The following TENM1 variants were observed in gnomAD, a reference collection of about 807,000 sequenced individuals.
The protein encoded by TENM1 is teneurin-1.
TENM1 carries 35 observed loss-of-function variants against 174.8 expected under a neutral mutation model. That is an observed-to-expected ratio of 0.20 (90% confidence interval 0.15 to 0.27). The LOEUF (loss-of-function observed/expected upper bound fraction) is 0.27, where lower values mean the gene tolerates loss of function less well. Among genes scored for constraint, TENM1 ranks in the 10% least tolerant of loss-of-function variants. The pLI, the probability that TENM1 is intolerant of heterozygous loss-of-function variation, is 1.00. For missense variants in TENM1, 1,633 were observed against 2,130.1 expected (o/e 0.77, Z 4.59); for synonymous variants, 781 against 798.7 (o/e 0.98, Z 0.37).
the TENM1 span, among the ~76,000 whole-genome samples, chrX:125,044,247 TA>T: frequency 5.9e-5 from 6 of 101,122 alleles, no homozygotes; most frequent in South Asian, 4.5e-4. Context: ...TATTAACAAT[TA>T]TAAAATCATC....
At chrX:125,034,421 T>A in the TENM1 span, among the ~76,000 whole-genome samples, 1 of 111,485 alleles carries the variant, frequency 9.0e-6, no homozygotes, top group Admixed American at 9.6e-5. Context: ...GTTTGGGACC[T>A]GTGCCTTTAA....
intron 11 of TENM1, among the ~76,000 whole-genome samples, chrX:124,639,807 AG>A (rs1452321451): frequency 8.9e-6 from 1 of 111,826 alleles, no homozygotes; most frequent in African/African-American, 3.3e-5. Context: ...AAGCCATGAT[AG>A]TGTATCTGAA....
At chrX:124,845,844 G>A (rs1020821610) in intron 3 of TENM1, among the ~76,000 whole-genome samples, 2 of 110,030 alleles carry the variant, frequency 1.8e-5, no homozygotes, top group African/African-American at 6.6e-5. Flanking sequence ...ATAGGGTGGG[G>A]GTCAGGGAGA....
At chrX:124,491,000 T>C (rs746811279) in intron 20 of TENM1, among the ~76,000 whole-genome samples, 3 of 112,012 alleles carry the variant, frequency 2.7e-5, no homozygotes. Context: ...GAAGGACTTG[T>C]AGATGTTTAG....
rs1016172380 is a variant in TENM1 at position 124,552,337 on chromosome X, T to C, written c.2435-5247A>G. Among the ~76,000 whole-genome samples the C allele has an allele frequency of 2.7e-5, 3 of 111,834 alleles. No homozygotes were observed. The South Asian group carries it at 1.1e-3, about 43-fold the overall frequency. ...CTACTAGGCACTCCTGTTAGCTTAG[T>C]TGTTGCCCTTACATGTATTGAAGGT... On this transcript the variant is annotated intron_variant, in intron 14 of 31. Coordinates refer to ENST00000422452, the Ensembl canonical transcript of TENM1.
intron 11 of TENM1, among the ~76,000 whole-genome samples, chrX:124,619,442 C>T (rs889900636): frequency 3.6e-5 from 4 of 111,921 alleles, no homozygotes; most frequent in Middle Eastern, 4.6e-3. Flanking sequence ...ATGTAACATA[C>T]CATCATAGTC....
the TENM1 span, among the ~76,000 whole-genome samples, chrX:125,024,807 T>G: frequency 8.9e-6 from 1 of 112,106 alleles, no homozygotes; most frequent in African/African-American, 3.2e-5. Flanking sequence ...GCTTTATTAT[T>G]CTCATCTAAT....
At chrX:124,921,847 G>A (rs990925393) in intron 1 of TENM1, among the ~76,000 whole-genome samples, 3 of 111,922 alleles carry the variant, frequency 2.7e-5, no homozygotes, top group Non-Finnish European at 5.7e-5. Flanking sequence ...CAAAATACAT[G>A]TGGGATTTTT....
At chrX:124,439,024 C>G (rs2060876194) in intron 23 of TENM1, among the ~76,000 whole-genome samples, 1 of 111,007 alleles carries the variant, frequency 9.0e-6, no homozygotes, top group African/African-American at 3.3e-5. Flanking sequence ...GTGTTGGAAA[C>G]TTGAATATCT....
intron 14 of TENM1, among the ~76,000 whole-genome samples, chrX:124,552,038 T>C (rs2048585200): frequency 8.9e-6 from 1 of 112,224 alleles, no homozygotes; most frequent in Non-Finnish European, 1.9e-5. Flanking sequence ...TATGTGACTC[T>C]GAGTAGACAA....
chrX:125,022,926 A>T, the TENM1 span, among the ~76,000 whole-genome samples: 6 of 111,721 alleles, frequency 5.4e-5, no homozygotes, highest in East Asian at 1.1e-3. Context: ...TACAAATCAC[A>T]TATTCTGCAT....
chrX:125,123,727 T>G, the TENM1 span, among the ~76,000 whole-genome samples: 1 of 112,612 alleles, frequency 8.9e-6, no homozygotes, highest in Non-Finnish European at 1.9e-5. Flanking sequence ...TAAAACAACA[T>G]TAATAAACAC....
chrX:124,897,002 T>G (rs759562621), intron 1 of TENM1, among the ~76,000 whole-genome samples: 143 of 111,727 alleles, frequency 1.3e-3, no homozygotes, highest in Middle Eastern at 4.6e-3. Context: ...GAATTCCTTC[T>G]TTTTATAGTT....
the TENM1 span, among the ~76,000 whole-genome samples, chrX:125,070,147 C>T: frequency 9.1e-6 from 1 of 109,696 alleles, no homozygotes; most frequent in Non-Finnish European, 1.9e-5. Flanking sequence ...GCCAGGATCA[C>T]GCCACTTCCC....
chrX:124,568,943 C>G (rs1042996679), intron 11 of TENM1, among the ~76,000 whole-genome samples: 1 of 111,805 alleles, frequency 8.9e-6, no homozygotes, highest in African/African-American at 3.3e-5. Context: ...TTGGCATACA[C>G]CTGTAATCCC....
intron 23 of TENM1, among the ~76,000 whole-genome samples, chrX:124,432,562 C>G (rs980123458): frequency 2.7e-5 from 3 of 111,548 alleles, no homozygotes; most frequent in African/African-American, 9.8e-5. Context: ...GTATGCACCA[C>G]CACAACTAGC....
At chrX:125,031,305 T>C in the TENM1 span, among the ~76,000 whole-genome samples, 1 of 111,254 alleles carries the variant, frequency 9.0e-6, no homozygotes, top group Non-Finnish European at 1.9e-5. Context: ...TGAATCTTAT[T>C]ATAAATTAAT....
intron 11 of TENM1, among the ~76,000 whole-genome samples, chrX:124,611,749 G>A (rs933681066): frequency 1.8e-5 from 2 of 111,913 alleles, no homozygotes; most frequent in African/African-American, 3.2e-5. Flanking sequence ...CTGTGATACA[G>A]AAAATCTTCA....
At chrX:124,829,391 T>C (rs2056239620) in intron 3 of TENM1, among the ~76,000 whole-genome samples, 1 of 112,352 alleles carries the variant, frequency 8.9e-6, no homozygotes, top group Non-Finnish European at 1.9e-5. Flanking sequence ...TAAAAGGGAA[T>C]TTAGTGCTGA....
Sources: gnomAD v4.1 joint callset for allele counts (sites outside exome capture counted in the v4.1 genomes callset) on GRCh38, gnomAD v4.1.1 for gene constraint, MANE v1.5 for transcripts, NCBI Gene and HGNC (gene_info 2026-07-23, HGNC 2026-07-21) for gene names.